Variants in GASK1A observed in about 807,000 individuals in gnomAD.
GASK1A encodes golgi associated kinase 1A.
In GASK1A, 40 loss-of-function variants were observed where a neutral mutation model predicts 41.2. That is an observed-to-expected ratio of 0.97 (90% CI 0.75 to 1.27). The LOEUF is 1.27. Among genes scored for constraint, GASK1A ranks in the 50% most tolerant of loss-of-function variants. GASK1A has a pLI of 0.00. For synonymous variants in GASK1A, 316 were observed against 307.1 expected, an observed-to-expected ratio of 1.03 and a Z score of -0.30; for missense variants, 678 against 745.1, an observed-to-expected ratio of 0.91 and a Z score of 1.05.
intron 1 of GASK1A, among the ~76,000 whole-genome samples, chr3:43,022,158 T>C (rs1046659237): frequency 1.3e-5 from 2 of 152,234 alleles, no homozygotes; most frequent in Non-Finnish European, 2.9e-5. Flanking sequence ...ATCCCCCTTA[T>C]GTTTTCTCTA....
chr3:43,045,584 G>T (rs2089657735), intron 2 of GASK1A, among the ~76,000 whole-genome samples: 1 of 152,170 alleles, frequency 6.6e-6, no homozygotes, highest in African/African-American at 2.4e-5. Context: ...GAAGTTTTCT[G>T]ATCTCTGCAC....
At position 42,983,642 on chromosome 3, in the gene GASK1A, C is replaced by T. The variant is rs2089292791; in HGVS notation, c.3+3997C>T. Among the ~76,000 whole-genome samples the T allele has an allele frequency of 2.6e-5, 4 of 152,194 alleles. No homozygotes were observed. In the South Asian group the frequency reaches 6.2e-4, roughly 24 times the overall value. ...TTGAGTCCCTCTGCACTGAATGAGT[C>T]GCAGAAGTCATCAGGCTTAGCTAAA... On this transcript the variant is annotated intron_variant, in intron 1 of 4. Coordinates refer to ENST00000430121, the MANE Select transcript of GASK1A (RefSeq NM_001129908.3).
chr3:43,008,368 G>A (rs1004560458), intron 1 of GASK1A, among the ~76,000 whole-genome samples: 9 of 152,188 alleles, frequency 5.9e-5, no homozygotes, highest in African/African-American at 1.7e-4. Flanking sequence ...ACCCCCAGAC[G>A]TGGCTGCCTG....
intron 2 of GASK1A, among the ~76,000 whole-genome samples, chr3:43,042,263 G>A (rs1253134417): frequency 6.7e-6 from 1 of 149,262 alleles, no homozygotes; most frequent in African/African-American, 2.5e-5. Context: ...GAGCCCAGGA[G>A]CTCAAGACCA....
Position 43,012,429 on chromosome 3 carries a change from T to TAAGCCACAGGAAGGGGCAGTGTG in GASK1A, c.4-19823_4-19801dup, listed in dbSNP as rs1360250480. ...GTGAACTTACAGGAAGTGGCTCTGT[T>TAAGCCACAGGAAGGGGCAGTGTG]AAGCCACAGGAAGGGGCAGTGTGAA... is the stretch of plus-strand genomic sequence containing the variant. On this transcript the variant is annotated intron_variant, in intron 1 of 4. Transcript: ENST00000430121. 6.4e-4 allele frequency among the ~76,000 whole-genome samples: 88 copies of TAAGCCACAGGAAGGGGCAGTGTG among 137,960 alleles called. 1 individual carries two copies. Among genetic ancestry groups the TAAGCCACAGGAAGGGGCAGTGTG allele is most frequent in the African/African-American group, 2.2e-3 (81 of 36,196 alleles). The allele number at this position is 137,960 out of a possible 152,430, so 90.5% of individuals were successfully genotyped here.
chr3:43,018,504 C>G lies in GASK1A; in HGVS notation c.4-13763C>G, dbSNP rs564718434. Among the ~76,000 whole-genome samples, 3 of 152,140 alleles carry G rather than the reference C, an allele frequency of 2.0e-5. No homozygotes were observed. The South Asian group carries it at 6.2e-4, about 32-fold the overall frequency. The stretch of plus-strand genomic sequence containing the variant: ...GAACCTGCCTGTTTTAGCCATCAAG[C>G]CTTAGACTAATTTAAGGATAACAGA... On this transcript the variant is annotated intron_variant, in intron 1 of 4. Transcript: ENST00000430121.
Position 42,979,562 on chromosome 3 carries a change from C to CG in GASK1A, c.-76dup, listed in dbSNP as rs1018465990. ...TGGGAAGCCTGGCGAGCCACGGCGC[C>CG]GGGGGCGGCCAAGGGGAGGCGGGAT... is the stretch of plus-strand genomic sequence containing the variant. On this transcript the variant is annotated 5_prime_UTR_variant, in exon 1 of 5. Transcript: ENST00000430121. The CG allele has an allele frequency of 8.1e-6, 10 of 1,232,712 alleles. No homozygotes were observed. Among genetic ancestry groups the CG allele is most frequent in the African/African-American group, 4.7e-5 (3 of 64,300 alleles). 76.4% of individuals were successfully genotyped at this position (1,232,712 alleles called of 1,614,324 possible).
intron 1 of GASK1A, among the ~76,000 whole-genome samples, chr3:43,028,403 G>A (rs2089557306): frequency 6.6e-6 from 1 of 152,100 alleles, no homozygotes; most frequent in Admixed American, 6.5e-5. Context: ...ATGGTCAGGG[G>A]GCTTAGAATT....
At chr3:43,042,767 A>G (rs2089644222) in intron 2 of GASK1A, among the ~76,000 whole-genome samples, 1 of 152,294 alleles carries the variant, frequency 6.6e-6, no homozygotes, top group African/African-American at 2.4e-5. Context: ...AGTCCTTCTC[A>G]ATCCAGCTCC....
chr3:43,034,929 T>C (rs2125687557), intron 2 of GASK1A, among the ~76,000 whole-genome samples: 1 of 152,212 alleles, frequency 6.6e-6, no homozygotes, highest in East Asian at 1.9e-4. Flanking sequence ...TCTTGAATGT[T>C]ACCCCAGTCT....
At chr3:43,048,785 T>C (rs1018660406) in intron 2 of GASK1A, among the ~76,000 whole-genome samples, 6 of 152,210 alleles carry the variant, frequency 3.9e-5, no homozygotes, top group African/African-American at 1.4e-4. Flanking sequence ...GGGGACTGTA[T>C]GGTTGGGACC....
At chr3:42,991,144 A>G (rs1012802970) in intron 1 of GASK1A, among the ~76,000 whole-genome samples, 2 of 151,972 alleles carry the variant, frequency 1.3e-5, no homozygotes, top group Non-Finnish European at 2.9e-5. Flanking sequence ...CTTCTCTTCT[A>G]TAAGTCTCCT....
intron 1 of GASK1A, among the ~76,000 whole-genome samples, chr3:43,003,764 A>G (rs557124543): frequency 6.6e-6 from 1 of 152,318 alleles, no homozygotes; most frequent in African/African-American, 2.4e-5. Flanking sequence ...TTTTATAATG[A>G]ACATATTTAT....
chr3:42,981,075 T>C (rs141165018), intron 1 of GASK1A, among the ~76,000 whole-genome samples: 1 of 152,124 alleles, frequency 6.6e-6, no homozygotes, highest in Non-Finnish European at 1.5e-5. Flanking sequence ...TAGGGGAACA[T>C]TGGTGTGTTT....
In GASK1A at chr3:42,986,300, C is replaced by T. The variant is rs542812284; in HGVS notation, c.3+6655C>T. Reference sequence around the variant, plus strand: ...ACTATAGGGATGGAAAACAGATCAGCGGTTGCAGGGGTTAGGGGTAGAGAG... The same window carrying T: ...ACTATAGGGATGGAAAACAGATCAGTGGTTGCAGGGGTTAGGGGTAGAGAG... On this transcript the variant is annotated intron_variant, in intron 1 of 4. Transcript: ENST00000430121. Among the ~76,000 whole-genome samples, 8 of 152,178 alleles carry T rather than the reference C, an allele frequency of 5.3e-5. No individual in the cohort carries two copies. In the South Asian group the frequency reaches 8.3e-4, roughly 16 times the overall value.
Position 43,045,670 on chromosome 3 carries a change from A to T in GASK1A, c.1291-7851A>T, listed in dbSNP as rs551276061. On this transcript the variant is annotated intron_variant, in intron 2 of 4. Coordinates refer to ENST00000430121, the MANE Select transcript of GASK1A (RefSeq NM_001129908.3). The stretch of plus-strand genomic sequence containing the variant: ...ATATGAAAGCATGGAGTAGGCTCAT[A>T]TATGGGTGGTGATATGGTTTGACTG... 2.0e-5 allele frequency among the ~76,000 whole-genome samples: 3 copies of T among 152,284 alleles called. No homozygotes were observed. In the East Asian group the frequency reaches 5.8e-4, roughly 29 times the overall value.
Position 43,017,163 on chromosome 3 carries a change from A to AGTCACAGGAAGGGGCAGTGTTAG in GASK1A, c.4-15090_4-15068dup, listed in dbSNP as rs1257994964. On this transcript the variant is annotated intron_variant, in intron 1 of 4. Transcript: ENST00000430121. ...GTGTGAAGTCACAGAGGCAGTGTGAAGTCACAGGAAGGGGCAGTGTTAGGT... is the reference window on the plus strand; with the variant it reads ...GTGTGAAGTCACAGAGGCAGTGTGAAGTCACAGGAAGGGGCAGTGTTAGGTCACAGGAAGGGGCAGTGTTAGGT... Among the ~76,000 whole-genome samples, 96 of 149,142 alleles carry AGTCACAGGAAGGGGCAGTGTTAG rather than the reference A, an allele frequency of 6.4e-4. No homozygotes were observed. In the East Asian group the frequency reaches 0.018, roughly 28 times the overall value.
rs74930921 is a variant in GASK1A, at chr3:42,992,602, A to G, written c.3+12957A>G. On this transcript the variant is annotated intron_variant, in intron 1 of 4. Transcript: ENST00000430121. ...ACCTTAGACTCTGGCTCCCCTCAGA[A>G]GGAGTTTGGGATGTATGCCAAAGAG... Among the ~76,000 whole-genome samples, 169 of 152,298 alleles carry G rather than the reference A, an allele frequency of 1.1e-3. 4 individuals are homozygous for G. The East Asian group carries it at 0.03, about 27-fold the overall frequency.
intron 2 of GASK1A, among the ~76,000 whole-genome samples, chr3:43,053,277 C>T (rs1474401619): frequency 6.6e-6 from 1 of 152,226 alleles, no homozygotes; most frequent in African/African-American, 2.4e-5. Flanking sequence ...AAGCTGTGGG[C>T]ACTGGGTGAA....
Sources: gnomAD v4.1 joint callset for allele counts (sites outside exome capture counted in the v4.1 genomes callset) on GRCh38, gnomAD v4.1.1 for gene constraint, MANE v1.5 for transcripts, NCBI Gene and HGNC (gene_info 2026-07-23, HGNC 2026-07-21) for gene names.